The following THSD7B variants were observed in gnomAD, a reference collection of about 807,000 sequenced individuals.
THSD7B encodes thrombospondin type 1 domain containing 7B.
THSD7B carries 138 observed loss-of-function variants against 213.6 expected under a neutral mutation model. The observed-to-expected ratio is 0.65, with a 90% CI of 0.56 to 0.74. The LOEUF (loss-of-function observed/expected upper bound fraction) is 0.74. Among genes scored for constraint, THSD7B ranks in the 30% least tolerant of loss-of-function variants. THSD7B has a pLI of 0.00. For synonymous variants in THSD7B, 742 were observed against 687.0 expected, an observed-to-expected ratio of 1.08 and a Z score of -1.25; for missense variants, 1,931 against 1,991.5, an observed-to-expected ratio of 0.97 and a Z score of 0.58.
intron 2 of THSD7B, among the ~76,000 whole-genome samples, chr2:136,907,377 T>C (rs1684183380): frequency 6.6e-6 from 1 of 152,212 alleles, no homozygotes; most frequent in African/African-American, 2.4e-5. Context: ...CCAATATTTA[T>C]TTTCTAAATC....
chr2:137,545,186 G>A (rs1226186893), intron 15 of THSD7B, among the ~76,000 whole-genome samples: 7 of 151,926 alleles, frequency 4.6e-5, no homozygotes, highest in East Asian at 3.9e-4. Flanking sequence ...CATCAACTTC[G>A]TATTTTAATC....
chr2:137,222,992 A>C (rs1363433414), intron 7 of THSD7B, among the ~76,000 whole-genome samples: 1 of 152,210 alleles, frequency 6.6e-6, no homozygotes. Flanking sequence ...AATTTCAGAT[A>C]GGTTAAAAGG....
intron 1 of THSD7B, among the ~76,000 whole-genome samples, chr2:136,767,931 A>G (rs1681437598): frequency 6.6e-6 from 1 of 151,774 alleles, no homozygotes; most frequent in African/African-American, 2.4e-5. Flanking sequence ...GTTTTCCATC[A>G]AAGTTGTTGA....
chr2:136,800,376 T>A (rs1682154656), intron 1 of THSD7B, among the ~76,000 whole-genome samples: 1 of 151,996 alleles, frequency 6.6e-6, no homozygotes, highest in South Asian at 2.1e-4. Flanking sequence ...GAACTGTATC[T>A]CCATCATCTC....
intron 17 of THSD7B, among the ~76,000 whole-genome samples, chr2:137,610,798 A>G (rs1682274419): frequency 6.6e-6 from 1 of 152,032 alleles, no homozygotes; most frequent in Admixed American, 6.6e-5. Flanking sequence ...ATTGAAAGCA[A>G]ATTATTTTCT....
At chr2:137,456,320 A>G (rs571329783) in intron 15 of THSD7B, among the ~76,000 whole-genome samples, 1 of 152,356 alleles carries the variant, frequency 6.6e-6, no homozygotes, top group African/African-American at 2.4e-5. Flanking sequence ...AGAAAAATTT[A>G]TATGGAGAAG....
At chr2:137,229,957 G>A (rs1364623768) in intron 7 of THSD7B, among the ~76,000 whole-genome samples, 1 of 152,108 alleles carries the variant, frequency 6.6e-6, no homozygotes, top group Non-Finnish European at 1.5e-5. Flanking sequence ...GAATTTCAAA[G>A]CCATAAAGTC....
intron 2 of THSD7B, among the ~76,000 whole-genome samples, chr2:136,973,488 C>T (rs1386156408): frequency 6.6e-6 from 1 of 151,962 alleles, no homozygotes; most frequent in African/African-American, 2.4e-5. Context: ...TATTTTATAT[C>T]AATATTTGTC....
At chr2:137,140,516 T>G (rs540650295) in intron 5 of THSD7B, among the ~76,000 whole-genome samples, 7 of 152,282 alleles carry the variant, frequency 4.6e-5, no homozygotes, top group Admixed American at 1.3e-4. Flanking sequence ...AAAAATTCCG[T>G]GTCATTTAAA....
intron 24 of THSD7B, among the ~76,000 whole-genome samples, chr2:137,659,231 G>A (rs1023914946): frequency 2.0e-5 from 3 of 152,080 alleles, no homozygotes; most frequent in African/African-American, 7.2e-5. Context: ...CATTCTTTTA[G>A]CATTTCCTGG....
intron 12 of THSD7B, among the ~76,000 whole-genome samples, chr2:137,315,511 T>G (rs937895602): frequency 1.3e-5 from 2 of 152,180 alleles, no homozygotes; most frequent in African/African-American, 4.8e-5. Context: ...GCTGTTCCTA[T>G]TCAGCCATCT....
At position 137,115,299 on chromosome 2, in the gene THSD7B, C is replaced by T; in HGVS notation, c.1369+6C>T. On this transcript the variant is annotated splice_donor_region_variant and intron_variant, in intron 5 of 27. Coordinates refer to ENST00000409968, the MANE Select transcript of THSD7B (RefSeq NM_001316349.2). Reference sequence around the variant, plus strand: ...CGCACTGAGGGCCAAGGAAGGTAGGCAGCCAGTTCCGGGACAGATGGTGCA... The same window carrying T: ...CGCACTGAGGGCCAAGGAAGGTAGGTAGCCAGTTCCGGGACAGATGGTGCA... 1.3e-6 allele frequency: 2 copies of T among 1,544,128 alleles called. No individual in the cohort carries two copies. Among genetic ancestry groups the T allele is most frequent in the Non-Finnish European group, 1.7e-6 (2 of 1,148,484 alleles).
intron 2 of THSD7B, among the ~76,000 whole-genome samples, chr2:137,009,555 G>A (rs1315130527): frequency 1.3e-5 from 2 of 152,120 alleles, no homozygotes; most frequent in Non-Finnish European, 2.9e-5. Context: ...ACAGTTCCAC[G>A]TGGCTGAGGA....
intron 12 of THSD7B, among the ~76,000 whole-genome samples, chr2:137,300,171 T>G (rs1433933059): frequency 6.6e-6 from 1 of 152,172 alleles, no homozygotes; most frequent in Non-Finnish European, 1.5e-5. Flanking sequence ...ATTTATAAAC[T>G]TAATGCTATT....
intron 12 of THSD7B, among the ~76,000 whole-genome samples, chr2:137,385,004 G>A (rs1006742647): frequency 6.6e-6 from 1 of 152,084 alleles, no homozygotes; most frequent in Non-Finnish European, 1.5e-5. Context: ...ATATCACCAG[G>A]GCAAGCAGTC....
At chr2:137,352,923 T>C (rs1233743972) in intron 12 of THSD7B, among the ~76,000 whole-genome samples, 1 of 152,046 alleles carries the variant, frequency 6.6e-6, no homozygotes, top group Non-Finnish European at 1.5e-5. Context: ...ATAATGCATT[T>C]CTAACAGACA....
chr2:137,662,059 TTTC>T (rs1683354620), intron 25 of THSD7B, among the ~76,000 whole-genome samples: 1 of 147,436 alleles, frequency 6.8e-6, no homozygotes, highest in Non-Finnish European at 1.5e-5. Flanking sequence ...TGTTTTCTTT[TTTC>T]TTTTTTTTTT....
chr2:137,224,014 A>C (rs117508590), intron 7 of THSD7B, among the ~76,000 whole-genome samples: 2,822 of 152,278 alleles, frequency 0.019, 203 homozygotes, highest in East Asian at 0.18. Flanking sequence ...CTGTGGAACC[A>C]TGAGCCAATT....
intron 26 of THSD7B, among the ~76,000 whole-genome samples, chr2:137,667,491 T>C (rs1683472078): frequency 6.6e-6 from 1 of 152,324 alleles, no homozygotes; most frequent in East Asian, 1.9e-4. Flanking sequence ...TACCATGTAA[T>C]AACATTTAAG....
Sources: gnomAD v4.1 joint callset for allele counts (sites outside exome capture counted in the v4.1 genomes callset) on GRCh38, gnomAD v4.1.1 for gene constraint, MANE v1.5 for transcripts, NCBI Gene and HGNC (gene_info 2026-07-23, HGNC 2026-07-21) for gene names.